Variants in LRCH3 observed in about 807,000 individuals in gnomAD.
The protein encoded by LRCH3 is DISP complex protein LRCH3.
LRCH3 carries 68 observed loss-of-function variants against 104.5 expected under a neutral mutation model. The ratio of observed to expected loss-of-function variants is 0.65; its 90% CI spans 0.54 to 0.80. LRCH3 has a LOEUF of 0.80. LRCH3 is among the 30% of genes least tolerant of loss of function. LRCH3 has a pLI of 0.00. For synonymous variants in LRCH3, 344 were observed against 361.3 expected (o/e 0.95, Z 0.54); for missense variants, 951 against 953.9 (o/e 1.00, Z 0.04).
At chr3:197,871,525 G>C in intron 19 of LRCH3, 63 bp downstream of exon 19, 1 of 1,593,400 alleles carries the variant, frequency 6.3e-7, no homozygotes, top group Non-Finnish European at 8.6e-7. Flanking sequence ...ACAGTGGACA[G>C]ACATTTCTTA....
In LRCH3 at chr3:197,835,756, A is replaced by G. The variant is rs1488981811; in HGVS notation, c.1185A>G (p.Gly395=). 8 of 1,613,964 alleles carry G rather than the reference A, an allele frequency of 5.0e-6. No individual in the cohort carries two copies. Among genetic ancestry groups the G allele is most frequent in the Non-Finnish European group, 6.8e-6 (8 of 1,180,022 alleles). The stretch of plus-strand genomic sequence containing the variant: ...AGGCCGAGGTGAGACAGCCCAAGGG[A>G]CCAGACCCAGACAGCCTTAGTTCAC... ...EEEAEVRQPK[G]PDPDSLSSQF... The change falls in exon 9 of 21, where the codon GGA becomes GGG. Residue 395 remains glycine, a synonymous_variant. Transcript: ENST00000425562.
chr3:197,838,430 G>A (rs531383), intron 9 of LRCH3, among the ~76,000 whole-genome samples: 138,942 of 151,766 alleles, frequency 0.92, 63,437 homozygotes, highest in East Asian at 0.99. Context: ...TGATATACCT[G>A]TTTCTTGGAG....
intron 8 of LRCH3, among the ~76,000 whole-genome samples, chr3:197,835,151 C>G (rs1052977148): frequency 5.3e-5 from 8 of 151,748 alleles, no homozygotes; most frequent in African/African-American, 1.9e-4. Context: ...CTCAAAAAAA[C>G]AAAACAAAAT....
In LRCH3 at chr3:197,830,905, A is replaced by G. The variant is rs753780418; in HGVS notation, c.981+42A>G. ...TTCCGTGTGTTATAACACCTGATTAAGAGAAAACAGAATGATGAAAATGAA... is the reference window on the plus strand; with the variant it reads ...TTCCGTGTGTTATAACACCTGATTAGGAGAAAACAGAATGATGAAAATGAA... On this transcript the variant is annotated intron_variant, in intron 7 of 20. Transcript: ENST00000425562. 90 of 1,418,750 alleles carry G rather than the reference A, an allele frequency of 6.3e-5. No homozygotes were observed. In the Admixed American group the frequency reaches 1.5e-3, roughly 24 times the overall value. 87.9% of individuals were successfully genotyped at this position (1,418,750 alleles called of 1,614,324 possible). A position where few individuals can be genotyped will look rare whatever the true frequency, so the allele number is the denominator to read the frequency against.
chr3:197,852,745 A>C (rs916464132), intron 13 of LRCH3, 125 bp downstream of exon 13: 2 of 953,162 alleles, frequency 2.1e-6, no homozygotes, highest in Non-Finnish European at 3.3e-6. Context: ...CCACCTCACA[A>C]TATTCTCCTT....
At chr3:197,820,672 G>A (rs1734389486) in intron 4 of LRCH3, among the ~76,000 whole-genome samples, 1 of 152,190 alleles carries the variant, frequency 6.6e-6, no homozygotes, top group Admixed American at 6.5e-5. Context: ...AGCCCAGGGG[G>A]CTGGCGCACT....
chr3:197,859,642 CA>C (rs1740655258), intron 15 of LRCH3, among the ~76,000 whole-genome samples: 1 of 152,114 alleles, frequency 6.6e-6, no homozygotes, highest in Non-Finnish European at 1.5e-5. Context: ...TGGATATGTA[CA>C]AAATGATCAA....
intron 7 of LRCH3, 26 bp downstream of exon 7, chr3:197,830,889 TTA>T: frequency 6.7e-7 from 1 of 1,500,564 alleles, no homozygotes. Flanking sequence ...GTTCCGTGTG[TTA>T]TAACACCTGA....
chr3:197,798,208 C>T (rs6802101), intron 1 of LRCH3, among the ~76,000 whole-genome samples: 5,461 of 152,004 alleles, frequency 0.036, 164 homozygotes, highest in African/African-American at 0.077. Flanking sequence ...GTGCAGTGAG[C>T]GGAGGTCGCA....
chr3:197,805,637 T>C (rs1267904674), intron 1 of LRCH3, among the ~76,000 whole-genome samples: 1 of 150,946 alleles, frequency 6.6e-6, no homozygotes, highest in Non-Finnish European at 1.5e-5. Flanking sequence ...TTGGCTGATA[T>C]ACTCCTCTGA....
chr3:197,818,101 G>T (rs567205342), intron 3 of LRCH3, among the ~76,000 whole-genome samples: 86 of 152,246 alleles, frequency 5.6e-4, no homozygotes, highest in African/African-American at 2.0e-3. Flanking sequence ...GATTACAGGC[G>T]TGAGCCACCG....
At chr3:197,812,895 G>A (rs1039854273) in intron 1 of LRCH3, among the ~76,000 whole-genome samples, 2 of 152,112 alleles carry the variant, frequency 1.3e-5, no homozygotes, top group South Asian at 4.1e-4. Flanking sequence ...AAGTGGAATT[G>A]TTGGATTGTA....
intron 20 of LRCH3, chr3:197,881,955 A>T: frequency 5.1e-6 from 5 of 985,432 alleles, no homozygotes; most frequent in Non-Finnish European, 6.0e-6. Flanking sequence ...GAAACACTCA[A>T]CACTGTGATG....
At position 197,791,294 on chromosome 3, in the gene LRCH3, T is replaced by G. The variant is rs1303991157; in HGVS notation, c.16T>G (p.Leu6Val). The change falls in exon 1 of 21, where the codon TTG becomes GTG. Residue 6 changes from leucine to valine, a missense_variant. Transcript: ENST00000425562. ...CGGCTGGGAAATGGCGGCCGCGGGC[T>G]TGGTCGCTGTGGCAGCGGCTGCCGA... MAAAG[L>V]VAVAAAAEYS... The G allele has an allele frequency of 2.5e-6, 4 of 1,608,742 alleles. No homozygotes were observed. Among genetic ancestry groups the G allele is most frequent in the Non-Finnish European group, 3.4e-6 (4 of 1,178,740 alleles).
rs141559493 is a variant in LRCH3, at chr3:197,832,714, TTTC to T, written c.1102+401_1102+403del. On this transcript the variant is annotated intron_variant, in intron 8 of 20. Transcript: ENST00000425562. The stretch of plus-strand genomic sequence containing the variant: ...TTTTTTTTTTTTTCAGTGTTTACCT[TTTC>T]TTCACCTGGAATTGTCAGATGCTCT... Among the ~76,000 whole-genome samples the T allele has an allele frequency of 2.4e-4, 36 of 152,064 alleles. No homozygotes were observed. The East Asian group carries it at 6.6e-3, about 28-fold the overall frequency.
At chr3:197,866,371 A>C (rs902469619) in intron 17 of LRCH3, 152 bp downstream of exon 17, 4 of 602,180 alleles carry the variant, frequency 6.6e-6, no homozygotes, top group African/African-American at 5.6e-5. Flanking sequence ...CTGATACTAA[A>C]GCAGGAAAAT....
At chr3:197,824,986 C>T (rs2109244143) in intron 4 of LRCH3, among the ~76,000 whole-genome samples, 1 of 152,360 alleles carries the variant, frequency 6.6e-6, no homozygotes, top group East Asian at 1.9e-4. Context: ...AAGAACACGT[C>T]ATGGGAGAAC....
At position 197,886,488 on chromosome 3, in the gene LRCH3, T is replaced by G. The variant is rs544326689; in HGVS notation, c.*2822T>G. ...TACCCTTATATAACTTGTTTAGAAT[T>G]TAGCCATGTGCATTTTTAAACTGTG... On this transcript the variant is annotated 3_prime_UTR_variant, in exon 21 of 21. Transcript: ENST00000425562. 1.3e-5 allele frequency: 2 copies of G among 152,204 alleles called. No individual in the cohort carries two copies. Among genetic ancestry groups the G allele is most frequent in the Non-Finnish European group, 2.9e-5 (2 of 68,036 alleles). 9.4% of individuals were successfully genotyped at this position (152,204 alleles called of 1,614,324 possible). A position where few individuals can be genotyped will look rare whatever the true frequency, so the allele number is the denominator to read the frequency against.
chr3:197,832,073 C>A (rs1560554320), intron 7 of LRCH3, 124 bp from the exon 8 acceptor site: 2 of 908,214 alleles, frequency 2.2e-6, no homozygotes, highest in Non-Finnish European at 3.2e-6. Flanking sequence ...GTGAGCACAT[C>A]TAGCTAATTT....
Sources: allele counts gnomAD v4.1 joint callset (sites outside exome capture counted in the v4.1 genomes callset), GRCh38; gene constraint gnomAD v4.1.1; transcripts MANE v1.5; gene names NCBI Gene and HGNC (gene_info 2026-07-23, HGNC 2026-07-21).